PDE4D: variants seen among roughly 807,000 people sequenced by gnomAD.
PDE4D encodes the protein phosphodiesterase 4D.
In PDE4D, 24 loss-of-function variants were observed where a neutral mutation model predicts 87.4. That is an observed-to-expected ratio of 0.27 (90% CI 0.20 to 0.39). The LOEUF is 0.39. Among genes scored for constraint, PDE4D ranks in the 10% least tolerant of loss-of-function variants. The pLI is 1.00. For missense variants in PDE4D, 714 were observed against 1,041.0 expected (o/e 0.69, Z 4.32); for synonymous variants, 384 against 383.2 (o/e 1.00, Z -0.02).
chr5:60,460,579 T>C lies in PDE4D; in HGVS notation c.-90+27363A>G, dbSNP rs1746846671. ...GGCTTCTTCATTAAGTCTGTCTATT[T>C]CATTTTGTACTTCATCAATGCATTC... On this transcript the variant is annotated intron_variant, in intron 1 of 16. Transcript: ENST00000502484. The C allele has an allele frequency of 3.2e-5, 42 of 1,316,058 alleles. No individual in the cohort carries two copies. The South Asian group carries it at 5.0e-4, about 16-fold the overall frequency. 81.5% of individuals were successfully genotyped at this position (1,316,058 alleles called of 1,614,324 possible). A position where few individuals can be genotyped will look rare whatever the true frequency, so the allele number is the denominator to read the frequency against.
intron 1 of PDE4D, among the ~76,000 whole-genome samples, chr5:60,517,721 T>C (rs938543517): frequency 1.6e-4 from 24 of 152,204 alleles, no homozygotes; most frequent in Admixed American, 1.4e-3. Flanking sequence ...ACTTCAGGTC[T>C]CCTGGGAGCT....
intron 1 of PDE4D, among the ~76,000 whole-genome samples, chr5:60,316,140 G>A (rs937758378): frequency 3.9e-5 from 6 of 152,104 alleles, no homozygotes; most frequent in African/African-American, 1.2e-4. Context: ...TCTTCTATTT[G>A]TTTGTATCCT....
chr5:59,023,035 C>T (rs913291812), intron 6 of PDE4D, among the ~76,000 whole-genome samples: 4 of 151,546 alleles, frequency 2.6e-5, no homozygotes, highest in African/African-American at 7.3e-5. Flanking sequence ...ATTAGCCAGG[C>T]GTGGTGGCAG....
chr5:59,846,535 T>C (rs1743881972), intron 1 of PDE4D, among the ~76,000 whole-genome samples: 2 of 152,050 alleles, frequency 1.3e-5, no homozygotes. Flanking sequence ...ATACAGGTAG[T>C]TTAGCTCTTA....
intron 2 of PDE4D, among the ~76,000 whole-genome samples, chr5:60,077,054 C>T (rs562513847): frequency 6.6e-6 from 1 of 152,160 alleles, no homozygotes; most frequent in Non-Finnish European, 1.5e-5. Flanking sequence ...TTCATGCAGG[C>T]AGTGGTGGCT....
In PDE4D at chr5:59,217,758, T is replaced by C. The variant is rs568551078; in HGVS notation, c.456-1790A>G. 5.9e-5 allele frequency among the ~76,000 whole-genome samples: 9 copies of C among 152,242 alleles called. No homozygotes were observed. The South Asian group carries it at 1.7e-3, about 28-fold the overall frequency. ...TGCATGATTATATAAACCACAAATA[T>C]ATGTGGCACCCAAACAGGGGACATC... On this transcript the variant is annotated intron_variant, in intron 1 of 14. Coordinates refer to ENST00000340635, the MANE Select transcript of PDE4D (RefSeq NM_001104631.2).
chr5:59,206,759 C>T (rs1175717830), intron 2 of PDE4D, among the ~76,000 whole-genome samples: 2 of 152,106 alleles, frequency 1.3e-5, no homozygotes, highest in African/African-American at 4.8e-5. Flanking sequence ...CAGTGATACT[C>T]ATTCAAAAAT....
intron 1 of PDE4D, among the ~76,000 whole-genome samples, chr5:60,518,986 C>A (rs948012350): frequency 1.3e-5 from 2 of 152,120 alleles, no homozygotes; most frequent in Non-Finnish European, 2.9e-5. Context: ...AGTGAAATAC[C>A]CATTCCAGAA....
chr5:59,304,480 CAG>C (rs1244868350), intron 1 of PDE4D, among the ~76,000 whole-genome samples: 2 of 152,088 alleles, frequency 1.3e-5, no homozygotes. Flanking sequence ...TTCCAGTTCT[CAG>C]AGGGAATTCT....
intron 1 of PDE4D, among the ~76,000 whole-genome samples, chr5:59,229,402 G>C (rs998220394): frequency 6.6e-6 from 1 of 152,108 alleles, no homozygotes; most frequent in South Asian, 2.1e-4. Flanking sequence ...AGATTGATTA[G>C]CACATTTGAA....
At chr5:59,154,163 C>T (rs1333785807) in intron 5 of PDE4D, among the ~76,000 whole-genome samples, 4 of 152,140 alleles carry the variant, frequency 2.6e-5, no homozygotes, top group Admixed American at 6.6e-5. Flanking sequence ...AGAAGAGTGA[C>T]ATTTGCAGAT....
At chr5:59,430,198 T>G (rs756088116) in intron 1 of PDE4D, 40 of 1,108,224 alleles carry the variant, frequency 3.6e-5, no homozygotes, top group Non-Finnish European at 4.6e-5. Context: ...CTTCTCACCC[T>G]GACCCTCCCA....
chr5:60,398,479 C>G (rs543201480), intron 1 of PDE4D, among the ~76,000 whole-genome samples: 1 of 152,278 alleles, frequency 6.6e-6, no homozygotes, highest in South Asian at 2.1e-4. Flanking sequence ...AGTAGCCCAG[C>G]TGAGAGGACT....
intron 5 of PDE4D, among the ~76,000 whole-genome samples, chr5:59,079,848 G>A (rs7732124): frequency 0.016 from 1,553 of 97,068 alleles, 16 homozygotes; most frequent in Non-Finnish European, 0.02. Context: ...GGGAGAGGAG[G>A]GGAGAGGAGA....
intron 5 of PDE4D, among the ~76,000 whole-genome samples, chr5:59,108,953 CAATGTGTGTGTGTGTGTGTGTGTG>C (rs1772124270): frequency 1.1e-5 from 1 of 94,386 alleles, no homozygotes; most frequent in Non-Finnish European, 2.2e-5. Flanking sequence ...CATAGGAACT[CAATGTGTGTGTGTGTGTGTGTGTG>C]TGTGTGTGTG....
At chr5:59,686,235 G>A (rs919707763) in intron 1 of PDE4D, among the ~76,000 whole-genome samples, 1 of 151,982 alleles carries the variant, frequency 6.6e-6, no homozygotes, top group African/African-American at 2.4e-5. Flanking sequence ...ATCTATTGAG[G>A]GATTACTTGC....
At chr5:60,449,243 C>T (rs952515761) in intron 1 of PDE4D, among the ~76,000 whole-genome samples, 2 of 151,832 alleles carry the variant, frequency 1.3e-5, no homozygotes, top group African/African-American at 4.8e-5. Context: ...GATTCAAGTG[C>T]AAAGGTCCTA....
At chr5:59,683,362 T>G (rs1749345802) in intron 1 of PDE4D, among the ~76,000 whole-genome samples, 1 of 152,206 alleles carries the variant, frequency 6.6e-6, no homozygotes, top group Non-Finnish European at 1.5e-5. Flanking sequence ...CACTTTACAG[T>G]AAATCTGAAA....
At chr5:59,920,779 A>G (rs971226933) in intron 3 of PDE4D, among the ~76,000 whole-genome samples, 1 of 146,746 alleles carries the variant, frequency 6.8e-6, no homozygotes, top group African/African-American at 2.5e-5. Context: ...CAAACACTGC[A>G]TGTTCTCACT....
Sources: allele counts gnomAD v4.1 joint callset (sites outside exome capture counted in the v4.1 genomes callset), GRCh38; gene constraint gnomAD v4.1.1; transcripts MANE v1.5; gene names NCBI Gene and HGNC (gene_info 2026-07-23, HGNC 2026-07-21).